AGPAT4: variants seen among roughly 807,000 people sequenced by gnomAD.
AGPAT4 encodes 1-acyl-sn-glycerol-3-phosphate acyltransferase delta.
A neutral mutation model predicts 48.0 loss-of-function variants in AGPAT4; 15 were observed. The observed-to-expected ratio is 0.31, with a 90% confidence interval of 0.21 to 0.48. The LOEUF is 0.48. Among genes scored for constraint, AGPAT4 ranks in the 20% least tolerant of loss-of-function variants. The pLI, the probability that AGPAT4 is intolerant of heterozygous loss-of-function variation, is 0.99. For missense variants in AGPAT4, 314 were observed against 482.5 expected (o/e 0.65, Z 3.27); for synonymous variants, 178 against 198.7 (o/e 0.90, Z 0.88).
At position 161,184,450 on chromosome 6, in the gene AGPAT4, G is replaced by C. The variant is rs1220359567; in HGVS notation, c.179-18033C>G. Among the ~76,000 whole-genome samples the C allele has an allele frequency of 6.6e-6, 1 of 152,036 alleles. No individual in the cohort carries two copies. The highest frequency in any genetic ancestry group is 1.5e-5 in the Non-Finnish European group (1 of 67,992). On this transcript the variant is annotated intron_variant, in intron 2 of 8. Coordinates refer to ENST00000320285, the MANE Select transcript of AGPAT4 (RefSeq NM_020133.3). The surrounding 1 kb of genome is among the most constrained non-coding windows in gnomAD (Gnocchi z 4.8). ...AGAGGAAGGTGTGTGGAGGGAGATAGAGGGGCAGGTGATGGAGGAGTCTGG... is the reference window on the plus strand; with the variant it reads ...AGAGGAAGGTGTGTGGAGGGAGATACAGGGGCAGGTGATGGAGGAGTCTGG...
intron 3 of AGPAT4, among the ~76,000 whole-genome samples, chr6:161,156,068 G>A (rs943180614): frequency 2.0e-5 from 3 of 152,182 alleles, no homozygotes; most frequent in East Asian, 1.9e-4. Context: ...AAATGGAAAC[G>A]ACAACTTTGA....
rs1779154320 is a variant in AGPAT4, at chr6:161,138,620, C to T, written c.1042+802G>A. Among the ~76,000 whole-genome samples, 1 of 152,152 alleles carries T rather than the reference C, an allele frequency of 6.6e-6. No individual in the cohort carries two copies. Among genetic ancestry groups the T allele is most frequent in the Admixed American group, 6.5e-5 (1 of 15,278 alleles). On this transcript the variant is annotated intron_variant, in intron 8 of 8. Transcript: ENST00000320285. The surrounding 1 kb of genome is among the most constrained non-coding windows in gnomAD (Gnocchi z 4.8). ...TGGGCCTTTTATAGTGAGCATACTGCATCTTTGTGTTTGACAGAAAATAAC... is the reference window on the plus strand; with the variant it reads ...TGGGCCTTTTATAGTGAGCATACTGTATCTTTGTGTTTGACAGAAAATAAC...
At chr6:161,248,699 T>A (rs569354042) in intron 1 of AGPAT4, among the ~76,000 whole-genome samples, 21 of 151,596 alleles carry the variant, frequency 1.4e-4, no homozygotes, top group Non-Finnish European at 2.5e-4. Context: ...AAATATTCCA[T>A]ACTCGTGGAT....
Position 161,220,137 on chromosome 6 carries a change from G to A in AGPAT4, c.178+11899C>T, listed in dbSNP as rs1035205760. Among the ~76,000 whole-genome samples the A allele has an allele frequency of 2.6e-5, 4 of 152,082 alleles. No individual in the cohort carries two copies. The highest frequency in any genetic ancestry group is 5.9e-5 in the Non-Finnish European group (4 of 68,022). On this transcript the variant is annotated intron_variant, in intron 2 of 8. Coordinates refer to ENST00000320285, the MANE Select transcript of AGPAT4 (RefSeq NM_020133.3). This position sits in a 1 kb window ranked among gnomAD's most constrained non-coding sequence, Gnocchi z 6.0. ...AGACTGATTCATTTGGATATTTAAT[G>A]TGCTTCCAATCACCAGGTATGTCAG...
intron 8 of AGPAT4, among the ~76,000 whole-genome samples, chr6:161,136,917 C>CA (rs1282315234): frequency 2.0e-5 from 3 of 152,180 alleles, no homozygotes; most frequent in Non-Finnish European, 4.4e-5. Context: ...CGCAGGGACT[C>CA]AGAGAAATCC....
intron 2 of AGPAT4, among the ~76,000 whole-genome samples, chr6:161,213,479 G>A (rs937779094): frequency 6.7e-6 from 1 of 149,942 alleles, no homozygotes; most frequent in Non-Finnish European, 1.5e-5. Flanking sequence ...AGTTTTCTGG[G>A]CTACAAGTCT....
intron 3 of AGPAT4, among the ~76,000 whole-genome samples, chr6:161,157,911 C>T (rs1165509159): frequency 6.6e-6 from 1 of 152,182 alleles, no homozygotes; most frequent in African/African-American, 2.4e-5. Flanking sequence ...TCTGTTTCCC[C>T]TCTGTGTGAT....
chr6:161,142,127 T>A lies in AGPAT4; in HGVS notation c.844-2507A>T, dbSNP rs542287069. Among the ~76,000 whole-genome samples the A allele has an allele frequency of 1.3e-5, 2 of 152,374 alleles. No individual in the cohort carries two copies. The highest frequency in any genetic ancestry group is 3.9e-4 in the East Asian group (2 of 5,184). ...CCTCAGCCTCCCAAAGTGTTGGGAT[T>A]ACAGGCGTGAGCCATTGCGCCCAGC... On this transcript the variant is annotated intron_variant, in intron 7 of 8. Transcript: ENST00000320285. This position sits in a 1 kb window ranked among gnomAD's most constrained non-coding sequence, Gnocchi z 6.4.
At chr6:161,174,665 C>T (rs1315456688) in intron 2 of AGPAT4, among the ~76,000 whole-genome samples, 3 of 152,142 alleles carry the variant, frequency 2.0e-5, no homozygotes, top group Non-Finnish European at 4.4e-5. Context: ...TTGCCCTGGC[C>T]AGAACTTCCA....
Position 161,147,140 on chromosome 6 carries a change from G to A in AGPAT4, c.768-541C>T, listed in dbSNP as rs1028168376. Among the ~76,000 whole-genome samples, 2 of 152,194 alleles carry A rather than the reference G, an allele frequency of 1.3e-5. No homozygotes were observed. Among genetic ancestry groups the A allele is most frequent in the Non-Finnish European group, 2.9e-5 (2 of 68,034 alleles). The stretch of plus-strand genomic sequence containing the variant: ...GTTTTGACAAGTCAGTGATGTGGAT[G>A]GTGGGGAATTAAAGTTCTCCCAGAT... On this transcript the variant is annotated intron_variant, in intron 6 of 8. Coordinates refer to ENST00000320285, the MANE Select transcript of AGPAT4 (RefSeq NM_020133.3). This position sits in a 1 kb window ranked among gnomAD's most constrained non-coding sequence, Gnocchi z 4.8.
At chr6:161,252,408 A>G (rs1280822862) in intron 1 of AGPAT4, among the ~76,000 whole-genome samples, 4 of 152,252 alleles carry the variant, frequency 2.6e-5, no homozygotes, top group African/African-American at 9.6e-5. Flanking sequence ...GAGCTCCTTC[A>G]GGGTCAAATA....
intron 1 of AGPAT4, among the ~76,000 whole-genome samples, chr6:161,269,571 G>C (rs1232731701): frequency 6.6e-6 from 1 of 152,150 alleles, no homozygotes; most frequent in Non-Finnish European, 1.5e-5. Flanking sequence ...CTTGAGCTTA[G>C]GAGTTAGAGG....
intron 1 of AGPAT4, among the ~76,000 whole-genome samples, chr6:161,237,737 C>T (rs559338648): frequency 5.3e-4 from 80 of 152,156 alleles, no homozygotes; most frequent in Admixed American, 2.4e-3. Context: ...TCCTTTTCTT[C>T]TCTGTGTTTT....
chr6:161,195,018 A>G lies in AGPAT4; in HGVS notation c.179-28601T>C, dbSNP rs985886124. On this transcript the variant is annotated intron_variant, in intron 2 of 8. Coordinates refer to ENST00000320285, the MANE Select transcript of AGPAT4 (RefSeq NM_020133.3). The surrounding 1 kb of genome is among the most constrained non-coding windows in gnomAD (Gnocchi z 5.0). ...ACTTGCCCCGGGAGAAGCTTTGGCC[A>G]CCACCTTCCAAGTCCTTGCTTAATT... Among the ~76,000 whole-genome samples, 8 of 152,144 alleles carry G rather than the reference A, an allele frequency of 5.3e-5. No individual in the cohort carries two copies. The highest frequency in any genetic ancestry group is 1.9e-4 in the African/African-American group (8 of 41,398).
At position 161,161,367 on chromosome 6, in the gene AGPAT4, C is replaced by T. The variant is rs746429261; in HGVS notation, c.348+4881G>A. The T allele has an allele frequency of 2.0e-5, 9 of 456,624 alleles. No individual in the cohort carries two copies. Among genetic ancestry groups the T allele is most frequent in the Non-Finnish European group, 4.0e-5 (9 of 226,976 alleles). The allele number at this position is 456,624 out of a possible 1,614,324, so 28.3% of individuals were successfully genotyped here. Reference sequence around the variant, plus strand: ...CCAGTGGTTCGCCTGCTACCTCGGTCGTCACCATTATCGGGTTCCTCATCC... The same window carrying T: ...CCAGTGGTTCGCCTGCTACCTCGGTTGTCACCATTATCGGGTTCCTCATCC... On this transcript the variant is annotated intron_variant, in intron 3 of 8. Transcript: ENST00000320285. The surrounding 1 kb of genome is among the most constrained non-coding windows in gnomAD (Gnocchi z 4.6).
Position 161,146,730 on chromosome 6 carries a change from G to A in AGPAT4, c.768-131C>T. The A allele has an allele frequency of 1.3e-6, 1 of 781,516 alleles. No individual in the cohort carries two copies. Among genetic ancestry groups the A allele is most frequent in the Non-Finnish European group, 2.1e-6 (1 of 478,148 alleles). The allele number at this position is 781,516 out of a possible 1,614,324, so 48.4% of individuals were successfully genotyped here. A position where few individuals can be genotyped will look rare whatever the true frequency, so the allele number is the denominator to read the frequency against. On this transcript the variant is annotated intron_variant, in intron 6 of 8. Transcript: ENST00000320285. This position sits in a 1 kb window ranked among gnomAD's most constrained non-coding sequence, Gnocchi z 7.1. ...ATAATGTGGAACTGAAGAGAGTAAT[G>A]CAAGTGATAGAAAGAAGGGGCGTTC... is the stretch of plus-strand genomic sequence containing the variant.
At chr6:161,183,741 G>A (rs1181524165) in intron 2 of AGPAT4, among the ~76,000 whole-genome samples, 9 of 134,688 alleles carry the variant, frequency 6.7e-5, no homozygotes, top group Non-Finnish European at 1.5e-4. Context: ...GGGGAGGGGA[G>A]GGGAGGGGAG....
chr6:161,174,709 A>G (rs1266153469), intron 2 of AGPAT4, among the ~76,000 whole-genome samples: 1 of 152,180 alleles, frequency 6.6e-6, no homozygotes, highest in African/African-American at 2.4e-5. Flanking sequence ...GAGAGAGGGC[A>G]TCCCTGTCTT....
intron 1 of AGPAT4, among the ~76,000 whole-genome samples, chr6:161,258,055 A>T (rs573877968): frequency 1.3e-4 from 20 of 152,324 alleles, no homozygotes; most frequent in Admixed American, 4.6e-4. Context: ...ACGTTAAAAC[A>T]CTTGGAAGGA....
Sources: gnomAD v4.1 joint callset for allele counts (sites outside exome capture counted in the v4.1 genomes callset) on GRCh38, gnomAD v4.1.1 for gene constraint, Gnocchi (gnomAD v3.1) non-coding constraint, MANE v1.5 for transcripts, NCBI Gene and HGNC (gene_info 2026-07-23, HGNC 2026-07-21) for gene names.